PHF21B: variants seen among roughly 807,000 people sequenced by gnomAD.
PHF21B encodes the protein PHD finger protein 4.
PHF21B carries 22 observed loss-of-function variants against 62.2 expected under a neutral mutation model. That is an observed-to-expected ratio of 0.35 (90% CI 0.25 to 0.51). PHF21B has a LOEUF of 0.51. Among genes scored for constraint, PHF21B ranks in the 20% least tolerant of loss-of-function variants. PHF21B has a pLI of 0.97. For missense variants in PHF21B, 701 were observed against 707.9 expected (o/e 0.99, Z 0.11); for synonymous variants, 341 against 314.7 (o/e 1.08, Z -0.88).
intron 5 of PHF21B, among the ~76,000 whole-genome samples, chr22:44,897,706 T>C (rs2071084950): frequency 6.6e-6 from 1 of 152,196 alleles, no homozygotes; most frequent in Non-Finnish European, 1.5e-5. Context: ...GCAAGACTCA[T>C]TACTGGGAGT....
chr22:44,890,867 C>T (rs1031860213), intron 8 of PHF21B, among the ~76,000 whole-genome samples: 1 of 152,252 alleles, frequency 6.6e-6, no homozygotes, highest in African/African-American at 2.4e-5. Flanking sequence ...CTGAGATCCC[C>T]ACCCCTGTCC....
At chr22:44,958,598 A>ATTTTTTTTTTTTT (rs59943293) in intron 2 of PHF21B, among the ~76,000 whole-genome samples, 5 of 75,886 alleles carry the variant, frequency 6.6e-5, no homozygotes, top group African/African-American at 1.7e-4. Flanking sequence ...CCTTCCTTTG[A>ATTTTTTTTTTTTT]TTTTTTTTTT....
rs545151524 is a variant in PHF21B at position 44,984,703 on chromosome 22, G to T, written c.120+23842C>A. On this transcript the variant is annotated intron_variant, in intron 2 of 12. Coordinates refer to ENST00000313237, the MANE Select transcript of PHF21B (RefSeq NM_138415.5). ...GTAAGTTATTAATTTAATTTGTAAGGTGATAGGACTGCTTATCCTGTTATT... is the reference window on the plus strand; with the variant it reads ...GTAAGTTATTAATTTAATTTGTAAGTTGATAGGACTGCTTATCCTGTTATT... 2.6e-5 allele frequency among the ~76,000 whole-genome samples: 4 copies of T among 152,346 alleles called. No individual in the cohort carries two copies. The South Asian group carries it at 8.3e-4, about 32-fold the overall frequency.
At chr22:44,949,526 G>C (rs2072151755) in intron 2 of PHF21B, among the ~76,000 whole-genome samples, 1 of 152,130 alleles carries the variant, frequency 6.6e-6, no homozygotes, top group African/African-American at 2.4e-5. Context: ...CTTCCCTGAA[G>C]TGACAGATTG....
intron 2 of PHF21B, among the ~76,000 whole-genome samples, chr22:44,990,882 C>T (rs2073032216): frequency 6.6e-6 from 1 of 152,216 alleles, no homozygotes; most frequent in Non-Finnish European, 1.5e-5. Flanking sequence ...TTAATAAAGC[C>T]AGGAGTGTGA....
chr22:44,964,480 G>A (rs936082182), intron 2 of PHF21B, among the ~76,000 whole-genome samples: 3 of 147,902 alleles, frequency 2.0e-5, no homozygotes, highest in Admixed American at 6.6e-5. Context: ...CCAAACCTCC[G>A]ATCTTCAGCA....
chr22:44,925,736 G>A (rs370802838), intron 2 of PHF21B, among the ~76,000 whole-genome samples: 3 of 152,096 alleles, frequency 2.0e-5, no homozygotes, highest in African/African-American at 7.2e-5. Context: ...CCTGATGCCC[G>A]CCTCCCCTAA....
intron 5 of PHF21B, among the ~76,000 whole-genome samples, chr22:44,912,868 G>A (rs2071366715): frequency 5.5e-5 from 1 of 18,242 alleles, no homozygotes; most frequent in Non-Finnish European, 8.5e-5. Context: ...CAAAGAGTCA[G>A]ACTCTATCTC....
chr22:45,009,723 C>A lies in PHF21B; in HGVS notation c.-174G>T. The A allele has an allele frequency of 1.8e-6, 1 of 554,124 alleles. No homozygotes were observed. Among genetic ancestry groups the A allele is most frequent in the Non-Finnish European group, 2.9e-6 (1 of 339,702 alleles). 34.3% of individuals were successfully genotyped at this position (554,124 alleles called of 1,614,324 possible). On this transcript the variant is annotated 5_prime_UTR_variant, in exon 1 of 13. Coordinates refer to ENST00000313237, the MANE Select transcript of PHF21B (RefSeq NM_138415.5). This position sits in a 1 kb window ranked among gnomAD's most constrained non-coding sequence, Gnocchi z 5.9. ...GGAAGGGGGCTGGCGAAGGGGAAGA[C>A]AGGCTTCCGGGCGCCGCGGCGCCGA...
At chr22:44,910,059 A>T (rs998291842) in intron 5 of PHF21B, among the ~76,000 whole-genome samples, 2 of 152,174 alleles carry the variant, frequency 1.3e-5, no homozygotes, top group Admixed American at 1.3e-4. Flanking sequence ...CCTGGCAGGG[A>T]GCAAACTCGA....
intron 10 of PHF21B, among the ~76,000 whole-genome samples, chr22:44,886,531 T>G (rs1436719056): frequency 6.7e-6 from 1 of 149,788 alleles, no homozygotes; most frequent in African/African-American, 2.5e-5. Flanking sequence ...TACAAAAAAT[T>G]AAAAAATTAG....
At chr22:44,891,759 C>G (rs1164102992) in intron 7 of PHF21B, among the ~76,000 whole-genome samples, 1 of 152,244 alleles carries the variant, frequency 6.6e-6, no homozygotes, top group Non-Finnish European at 1.5e-5. Context: ...AGACTGGCTC[C>G]CCTAAATTCC....
At chr22:44,892,506 G>A (rs1181212900) in intron 7 of PHF21B, among the ~76,000 whole-genome samples, 1 of 152,214 alleles carries the variant, frequency 6.6e-6, no homozygotes, top group Non-Finnish European at 1.5e-5. Context: ...GCCCAGACTA[G>A]CCCGCACCCT....
chr22:44,957,190 T>C (rs1357694249), intron 2 of PHF21B, among the ~76,000 whole-genome samples: 1 of 152,236 alleles, frequency 6.6e-6, no homozygotes, highest in Non-Finnish European at 1.5e-5. Context: ...TGCAGGGGAC[T>C]GCAGTCTCTG....
intron 5 of PHF21B, among the ~76,000 whole-genome samples, chr22:44,908,088 C>G (rs957366266): frequency 6.6e-6 from 1 of 152,328 alleles, no homozygotes; most frequent in Middle Eastern, 3.4e-3. Flanking sequence ...TATCGGGCAG[C>G]CTCTTCACGA....
chr22:44,940,942 T>G (rs1371629872), intron 2 of PHF21B, among the ~76,000 whole-genome samples: 1 of 152,216 alleles, frequency 6.6e-6, no homozygotes, highest in Non-Finnish European at 1.5e-5. Context: ...GAATGTAATT[T>G]TAATTTCCAT....
At chr22:44,892,263 A>G (rs1237886167) in intron 7 of PHF21B, among the ~76,000 whole-genome samples, 2 of 152,168 alleles carry the variant, frequency 1.3e-5, no homozygotes, top group African/African-American at 4.8e-5. Flanking sequence ...CAGATGAAGG[A>G]AGAGGAAGTG....
At chr22:44,910,394 C>G (rs776111506) in intron 5 of PHF21B, among the ~76,000 whole-genome samples, 11 of 152,106 alleles carry the variant, frequency 7.2e-5, no homozygotes, top group Non-Finnish European at 1.3e-4. Context: ...TCAAGACCAG[C>G]CTGGGCAACA....
rs77885557 is a variant in PHF21B at position 44,991,160 on chromosome 22, T to C, written c.120+17385A>G. 7.8e-3 allele frequency among the ~76,000 whole-genome samples: 1,193 copies of C among 152,316 alleles called. 19 individuals carry two copies. The highest frequency in any genetic ancestry group is 0.028 in the African/African-American group (1,144 of 41,576). ...CGCATCCTTCAGTCATTAACACTAGTAATTTTAGCATTTGTGCACCAAGGG... is the reference window on the plus strand; with the variant it reads ...CGCATCCTTCAGTCATTAACACTAGCAATTTTAGCATTTGTGCACCAAGGG... On this transcript the variant is annotated intron_variant, in intron 2 of 12. Transcript: ENST00000313237.
Sources: gnomAD v4.1 joint callset for allele counts (sites outside exome capture counted in the v4.1 genomes callset) on GRCh38, gnomAD v4.1.1 for gene constraint, Gnocchi (gnomAD v3.1) non-coding constraint, MANE v1.5 for transcripts, NCBI Gene and HGNC (gene_info 2026-07-23, HGNC 2026-07-21) for gene names.